Variants in LINGO2 observed in about 807,000 individuals in gnomAD.
LINGO2 encodes the protein leucine rich repeat and Ig domain containing 2.
Under a neutral mutation model 30.6 loss-of-function variants are expected in LINGO2, and 14 were observed. The observed-to-expected ratio is 0.46, with a 90% confidence interval of 0.30 to 0.72. LINGO2 has a LOEUF of 0.72. LINGO2 is among the 30% of genes least tolerant of loss of function. The pLI is 0.07. For missense variants in LINGO2, 729 were observed against 751.7 expected (o/e 0.97, Z 0.35); for synonymous variants, 317 against 288.5 (o/e 1.10, Z -1.00).
chr9:28,137,496 A>T (rs1032229909), intron 4 of LINGO2, among the ~76,000 whole-genome samples: 2 of 152,046 alleles, frequency 1.3e-5, no homozygotes, highest in East Asian at 1.9e-4. Context: ...CGTCCTTCAC[A>T]CTCATATTTA....
the LINGO2 span, among the ~76,000 whole-genome samples, chr9:29,122,793 A>C: frequency 6.6e-6 from 1 of 152,104 alleles, no homozygotes; most frequent in African/African-American, 2.4e-5. Context: ...ATGACCAAAC[A>C]GCTCACGTTC....
chr9:28,231,023 T>A (rs2133935465), intron 4 of LINGO2, among the ~76,000 whole-genome samples: 1 of 152,052 alleles, frequency 6.6e-6, no homozygotes, highest in East Asian at 1.9e-4. Context: ...TCAGCACACA[T>A]TTCATGAGTT....
At chr9:29,055,855 G>A in the LINGO2 span, among the ~76,000 whole-genome samples, 1 of 151,138 alleles carries the variant, frequency 6.6e-6, no homozygotes, top group African/African-American at 2.4e-5. Flanking sequence ...TAGAGTAATG[G>A]TCTCCAACTC....
At chr9:28,232,337 C>G (rs1223833251) in intron 4 of LINGO2, among the ~76,000 whole-genome samples, 1 of 150,558 alleles carries the variant, frequency 6.6e-6, no homozygotes, top group Non-Finnish European at 1.5e-5. Flanking sequence ...CTCAGGGCAA[C>G]CTCCTGGGAG....
At chr9:28,225,864 A>G (rs970481463) in intron 4 of LINGO2, among the ~76,000 whole-genome samples, 1 of 152,148 alleles carries the variant, frequency 6.6e-6, no homozygotes, top group Non-Finnish European at 1.5e-5. Context: ...TGAAAATTCC[A>G]TAAGATTGAA....
At chr9:28,391,745 T>C (rs1468279148) in intron 2 of LINGO2, among the ~76,000 whole-genome samples, 1 of 152,134 alleles carries the variant, frequency 6.6e-6, no homozygotes, top group Non-Finnish European at 1.5e-5. Flanking sequence ...CACATGGAAA[T>C]TCTTTATAAT....
At chr9:28,492,320 A>G (rs1361536009) in intron 1 of LINGO2, among the ~76,000 whole-genome samples, 1 of 152,198 alleles carries the variant, frequency 6.6e-6, no homozygotes, top group Non-Finnish European at 1.5e-5. Flanking sequence ...ACAAACAAAT[A>G]AAGCATTGAG....
At chr9:28,505,033 G>T (rs1302433377) in intron 1 of LINGO2, among the ~76,000 whole-genome samples, 4 of 151,678 alleles carry the variant, frequency 2.6e-5, no homozygotes, top group Non-Finnish European at 5.9e-5. Context: ...TATGTGACTT[G>T]GTGTAAGCCA....
At chr9:28,158,728 G>A (rs1251226536) in intron 4 of LINGO2, among the ~76,000 whole-genome samples, 1 of 152,154 alleles carries the variant, frequency 6.6e-6, no homozygotes, top group African/African-American at 2.4e-5. Flanking sequence ...TCCACTTAGT[G>A]CTCCCCTGCA....
At chr9:28,342,156 T>C (rs935171539) in intron 3 of LINGO2, among the ~76,000 whole-genome samples, 13 of 152,162 alleles carry the variant, frequency 8.5e-5, no homozygotes, top group African/African-American at 3.1e-4. Flanking sequence ...TTCAAGGAAG[T>C]GCAAAGCAAA....
chr9:28,537,541 G>T (rs1054091112), intron 1 of LINGO2, among the ~76,000 whole-genome samples: 1 of 150,086 alleles, frequency 6.7e-6, no homozygotes, highest in Non-Finnish European at 1.5e-5. Context: ...GCTGGATAAA[G>T]TAAATAGAAA....
chr9:28,359,406 A>G (rs1476666133), intron 3 of LINGO2, among the ~76,000 whole-genome samples: 1 of 152,040 alleles, frequency 6.6e-6, no homozygotes, highest in African/African-American at 2.4e-5. Flanking sequence ...AAAACAAACA[A>G]AAAGAAAACA....
At chr9:27,949,102 T>C in exon 6 of LINGO2, 1 of 1,614,156 alleles carries the variant, frequency 6.2e-7, no homozygotes. Context: ...TTGGAAATGG[T>C]GTCATTGGAG....
At chr9:28,494,333 C>T (rs146808189) in intron 1 of LINGO2, among the ~76,000 whole-genome samples, 13 of 152,176 alleles carry the variant, frequency 8.5e-5, no homozygotes, top group Non-Finnish European at 1.3e-4. Context: ...TGGTCATTTA[C>T]ATTAGGCGTA....
At chr9:28,037,298 C>T (rs1038400104) in intron 4 of LINGO2, among the ~76,000 whole-genome samples, 1 of 152,198 alleles carries the variant, frequency 6.6e-6, no homozygotes, top group Non-Finnish European at 1.5e-5. Flanking sequence ...CACTAAGTTG[C>T]TCTAGCACCA....
intron 1 of LINGO2, among the ~76,000 whole-genome samples, chr9:28,584,703 T>G (rs1054708382): frequency 6.6e-6 from 1 of 152,054 alleles, no homozygotes; most frequent in Non-Finnish European, 1.5e-5. Flanking sequence ...TTTTACATGG[T>G]TGTTATTAAA....
At chr9:28,517,828 C>G (rs1820681347) in intron 1 of LINGO2, among the ~76,000 whole-genome samples, 1 of 152,154 alleles carries the variant, frequency 6.6e-6, no homozygotes, top group South Asian at 2.1e-4. Flanking sequence ...CCAATAGAAA[C>G]ACAATGAAAA....
chr9:29,001,803 T>C, the LINGO2 span, among the ~76,000 whole-genome samples: 1 of 152,112 alleles, frequency 6.6e-6, no homozygotes, highest in African/African-American at 2.4e-5. Context: ...AGGCACTAAG[T>C]GCAAATAAAC....
At chr9:28,046,515 A>G (rs1467581233) in intron 4 of LINGO2, among the ~76,000 whole-genome samples, 1 of 152,174 alleles carries the variant, frequency 6.6e-6, no homozygotes, top group Non-Finnish European at 1.5e-5. Context: ...CAGTTTAGGA[A>G]TACTTTTGTA....
Sources: gnomAD v4.1 joint callset for allele counts (sites outside exome capture counted in the v4.1 genomes callset) on GRCh38, gnomAD v4.1.1 for gene constraint, MANE v1.5 for transcripts, NCBI Gene and HGNC (gene_info 2026-07-23, HGNC 2026-07-21) for gene names.